Variants in ANKS1B observed in about 807,000 individuals in gnomAD.
ANKS1B encodes the protein ankyrin repeat and sterile alpha motif domain containing 1B.
Under a neutral mutation model 148.3 loss-of-function variants are expected in ANKS1B, and 36 were observed. That is an observed-to-expected ratio of 0.24 (90% confidence interval 0.19 to 0.32). ANKS1B has a LOEUF of 0.32. Among genes scored for constraint, ANKS1B ranks in the 10% least tolerant of loss-of-function variants. ANKS1B has a pLI of 1.00. For synonymous variants in ANKS1B, 542 were observed against 560.8 expected (o/e 0.97, Z 0.47); for missense variants, 1,157 against 1,542.6 (o/e 0.75, Z 4.19).
chr12:98,784,985 A>C (rs2098776903), intron 22 of ANKS1B, among the ~76,000 whole-genome samples: 1 of 152,064 alleles, frequency 6.6e-6, no homozygotes, highest in Non-Finnish European at 1.5e-5. Flanking sequence ...ATGGATCCTG[A>C]CCAGCCAGAG....
intron 1 of ANKS1B, among the ~76,000 whole-genome samples, chr12:99,857,025 C>T (rs1343564811): frequency 2.0e-5 from 3 of 152,056 alleles, no homozygotes; most frequent in African/African-American, 7.2e-5. Context: ...TATTGGAAGT[C>T]CTAGCCAGAG....
chr12:99,393,914 T>C (rs1279864585), intron 12 of ANKS1B, among the ~76,000 whole-genome samples: 1 of 152,190 alleles, frequency 6.6e-6, no homozygotes, highest in Admixed American at 6.5e-5. Context: ...CACTTCAATA[T>C]ACCAATTTAG....
At chr12:98,951,638 G>T (rs1361898672) in intron 17 of ANKS1B, among the ~76,000 whole-genome samples, 2 of 152,016 alleles carry the variant, frequency 1.3e-5, no homozygotes, top group Non-Finnish European at 2.9e-5. Flanking sequence ...AGCTAACTGT[G>T]CTCCTCGCCA....
At chr12:98,954,027 A>G (rs1479579959) in intron 17 of ANKS1B, among the ~76,000 whole-genome samples, 1 of 152,174 alleles carries the variant, frequency 6.6e-6, no homozygotes, top group Non-Finnish European at 1.5e-5. Context: ...GTGTCATTAA[A>G]TGAGCAGCAG....
chr12:99,355,754 A>G (rs930175902), intron 12 of ANKS1B, among the ~76,000 whole-genome samples: 1 of 152,090 alleles, frequency 6.6e-6, no homozygotes, highest in Non-Finnish European at 1.5e-5. Flanking sequence ...CCTACTTAAG[A>G]ACTATTTACC....
At chr12:98,973,141 T>C (rs1331552623) in intron 17 of ANKS1B, among the ~76,000 whole-genome samples, 1 of 152,032 alleles carries the variant, frequency 6.6e-6, no homozygotes, top group Non-Finnish European at 1.5e-5. Context: ...GTTCAAATAC[T>C]TTTTCTCTAA....
At chr12:99,278,653 A>C (rs1014304385) in intron 12 of ANKS1B, among the ~76,000 whole-genome samples, 3 of 152,178 alleles carry the variant, frequency 2.0e-5, no homozygotes, top group Admixed American at 6.5e-5. Context: ...TTAAATATGG[A>C]TACTGCATGA....
intron 9 of ANKS1B, among the ~76,000 whole-genome samples, chr12:99,636,666 T>A (rs1169481252): frequency 6.6e-6 from 1 of 152,144 alleles, no homozygotes; most frequent in Non-Finnish European, 1.5e-5. Context: ...GTATGAGAAC[T>A]GAAACAAGAA....
At chr12:99,780,085 G>A (rs1181229578) in intron 5 of ANKS1B, 113 bp from the exon 6 acceptor site, 1 of 762,670 alleles carries the variant, frequency 1.3e-6, no homozygotes. Context: ...CATTGAAAGT[G>A]ATTTTTAAAA....
intron 10 of ANKS1B, among the ~76,000 whole-genome samples, chr12:99,453,807 C>G (rs1384193919): frequency 1.3e-5 from 2 of 152,158 alleles, no homozygotes; most frequent in Non-Finnish European, 2.9e-5. Flanking sequence ...TTTGAAGGAG[C>G]TGACTACTTA....
chr12:99,807,255 G>A (rs1027253477), intron 3 of ANKS1B, among the ~76,000 whole-genome samples: 5 of 152,092 alleles, frequency 3.3e-5, no homozygotes, highest in Non-Finnish European at 7.4e-5. Context: ...GTACCTTTTT[G>A]AAATGTTATC....
intron 9 of ANKS1B, among the ~76,000 whole-genome samples, chr12:99,653,563 T>C (rs959533382): frequency 2.0e-5 from 3 of 152,186 alleles, no homozygotes; most frequent in Non-Finnish European, 4.4e-5. Flanking sequence ...AATATACACA[T>C]TTGTTCACTG....
At chr12:99,315,185 A>G (rs2083830092) in intron 12 of ANKS1B, among the ~76,000 whole-genome samples, 1 of 151,596 alleles carries the variant, frequency 6.6e-6, no homozygotes, top group Non-Finnish European at 1.5e-5. Flanking sequence ...GGTTGCAGTG[A>G]GCCGAGATTG....
intron 17 of ANKS1B, among the ~76,000 whole-genome samples, chr12:98,847,890 C>T (rs1181365088): frequency 1.3e-5 from 2 of 152,204 alleles, no homozygotes; most frequent in African/African-American, 4.8e-5. Flanking sequence ...GCCACTGCGC[C>T]TGGCCAAGAT....
intron 2 of ANKS1B, among the ~76,000 whole-genome samples, chr12:99,823,182 T>A (rs1210909874): frequency 6.6e-6 from 1 of 152,232 alleles, no homozygotes; most frequent in Non-Finnish European, 1.5e-5. Flanking sequence ...TTATAGATTC[T>A]GAATATTTGG....
intron 15 of ANKS1B, among the ~76,000 whole-genome samples, chr12:99,096,075 G>C (rs1167887313): frequency 6.6e-6 from 1 of 152,118 alleles, no homozygotes; most frequent in Non-Finnish European, 1.5e-5. Flanking sequence ...ACATAAACCT[G>C]GTATTCTACA....
intron 17 of ANKS1B, among the ~76,000 whole-genome samples, chr12:98,918,108 TC>T (rs1258090103): frequency 2.0e-5 from 3 of 152,236 alleles, no homozygotes; most frequent in Non-Finnish European, 4.4e-5. Flanking sequence ...TGTCAATAGT[TC>T]CTGCATAAGG....
At chr12:99,077,168 A>G (rs549842654) in intron 16 of ANKS1B, among the ~76,000 whole-genome samples, 13 of 152,324 alleles carry the variant, frequency 8.5e-5, no homozygotes, top group African/African-American at 2.9e-4. Context: ...TATAGGAAAT[A>G]GAATATTCTG....
Position 99,656,754 on chromosome 12 carries a change from A to T in ANKS1B, c.1129-1544T>A, listed in dbSNP as rs184135947. 7.7e-3 allele frequency among the ~76,000 whole-genome samples: 749 copies of T among 97,764 alleles called. 7 individuals are homozygous for T. Among genetic ancestry groups the T allele is most frequent in the African/African-American group, 0.019 (692 of 35,760 alleles). The allele number at this position is 97,764 out of a possible 152,430, so 64.1% of individuals were successfully genotyped here. Reference sequence around the variant, plus strand: ...GCTGAATACTTAGCAGACTCAATTTAAAAAAAAAGATGTATATGCATAAAT... The same window carrying T: ...GCTGAATACTTAGCAGACTCAATTTTAAAAAAAAGATGTATATGCATAAAT... On this transcript the variant is annotated intron_variant, in intron 8 of 26. Transcript: ENST00000683438.
Sources: gnomAD v4.1 joint callset for allele counts (sites outside exome capture counted in the v4.1 genomes callset) on GRCh38, gnomAD v4.1.1 for gene constraint, MANE v1.5 for transcripts, NCBI Gene and HGNC (gene_info 2026-07-23, HGNC 2026-07-21) for gene names.